SLC9A8: variants seen among roughly 807,000 people sequenced by gnomAD.
SLC9A8 encodes solute carrier family 9 member A8, also known as sodium/hydrogen exchanger 8.
In SLC9A8, 48 loss-of-function variants were observed where a neutral mutation model predicts 66.6. The ratio of observed to expected loss-of-function variants is 0.72; its 90% CI spans 0.57 to 0.92. The LOEUF (loss-of-function observed/expected upper bound fraction) is 0.92. Ranked by LOEUF, SLC9A8 falls within the 40% of genes least tolerant of loss-of-function variation. The pLI is 0.00. For missense variants in SLC9A8, 599 were observed against 747.3 expected (o/e 0.80, Z 2.31); for synonymous variants, 274 against 282.6 (o/e 0.97, Z 0.31).
At chr20:49,848,837 T>C (rs780148199) in intron 5 of SLC9A8, among the ~76,000 whole-genome samples, 4 of 152,168 alleles carry the variant, frequency 2.6e-5, no homozygotes, top group Non-Finnish European at 5.9e-5. Context: ...GAAACACAGT[T>C]AATTCCTTCA....
rs1447117758 is a variant in SLC9A8, at chr20:49,891,056, G to C, written c.*3120G>C. On this transcript the variant is annotated 3_prime_UTR_variant, in exon 16 of 16. Transcript: ENST00000361573. ...TGCTTGGAGAGTCCTCAGCAGGGTA[G>C]CCGAGGCCAGGCCACTTCTGCTGAG... The C allele has an allele frequency of 1.3e-5, 2 of 152,334 alleles. No homozygotes were observed. The highest frequency in any genetic ancestry group is 2.9e-5 in the Non-Finnish European group (2 of 68,116). 9.4% of individuals were successfully genotyped at this position (152,334 alleles called of 1,614,324 possible).
At chr20:49,846,630 A>G (rs2088005392) in intron 5 of SLC9A8, among the ~76,000 whole-genome samples, 1 of 152,064 alleles carries the variant, frequency 6.6e-6, no homozygotes, top group Non-Finnish European at 1.5e-5. Flanking sequence ...TAAGCTTAAT[A>G]TGGTCGGGCC....
chr20:49,838,581 GT>G (rs1249715246), intron 3 of SLC9A8, among the ~76,000 whole-genome samples: 1 of 152,212 alleles, frequency 6.6e-6, no homozygotes, highest in African/African-American at 2.4e-5. Flanking sequence ...CCCTGAGGTA[GT>G]TTTAGTGCAC....
chr20:49,854,866 G>A (rs2088404641), intron 7 of SLC9A8, among the ~76,000 whole-genome samples: 1 of 152,164 alleles, frequency 6.6e-6, no homozygotes, highest in African/African-American at 2.4e-5. Flanking sequence ...TCTGCTGGGG[G>A]TGATAAGATC....
intron 14 of SLC9A8, 135 bp downstream of exon 14, chr20:49,884,201 C>CGGTGGTCCCCACTGTCAGG: frequency 7.2e-6 from 1 of 139,348 alleles, no homozygotes; most frequent in South Asian, 5.5e-5. Flanking sequence ...ACACACACGA[C>CGGTGGTCCCCACTGTCAGG]ACACACACAC....
Position 49,812,901 on chromosome 20 carries a change from G to C in SLC9A8, c.-22G>C, listed in dbSNP as rs1408303948. The C allele has an allele frequency of 4.0e-6, 6 of 1,497,126 alleles. No individual in the cohort carries two copies. Among genetic ancestry groups the C allele is most frequent in the Non-Finnish European group, 5.3e-6 (6 of 1,124,698 alleles). 92.7% of individuals were successfully genotyped at this position (1,497,126 alleles called of 1,614,324 possible). A position where few individuals can be genotyped will look rare whatever the true frequency, so the allele number is the denominator to read the frequency against. On this transcript the variant is annotated 5_prime_UTR_variant, in exon 1 of 16. Transcript: ENST00000361573. ...TGCTAGCCCCGCGGCTCCGAACTCG[G>C]TGGTCCTGGAAGCTCCGCAGGATGG...
intron 3 of SLC9A8, among the ~76,000 whole-genome samples, chr20:49,831,771 A>G (rs1374557614): frequency 6.6e-6 from 1 of 152,130 alleles, no homozygotes; most frequent in Non-Finnish European, 1.5e-5. Flanking sequence ...CACTCCTTAG[A>G]CGCCTTTGTG....
Position 49,815,101 on chromosome 20 carries a change from G to A in SLC9A8, c.120G>A (p.Lys40=). 6.2e-7 allele frequency: 1 copy of A among 1,608,948 alleles called. No individual in the cohort carries two copies. Among genetic ancestry groups the A allele is most frequent in the African/African-American group, 1.3e-5 (1 of 74,814 alleles). The change falls in exon 2 of 16, where the codon AAG becomes AAA. Residue 40 remains lysine, a synonymous_variant. Transcript: ENST00000361573. Reference sequence around the variant, plus strand: ...AACTGGTGCTCCCGACCCCTGGCAAGCCCATCCTCCCCGTGCAGACAGGGG... The same window carrying A: ...AACTGGTGCTCCCGACCCCTGGCAAACCCATCCTCCCCGTGCAGACAGGGG... ...TTKLVLPTPG[K]PILPVQTGEQ...
chr20:49,891,985 C>A lies in SLC9A8; in HGVS notation c.*4049C>A, dbSNP rs1321842831. 4 of 152,084 alleles carry A rather than the reference C, an allele frequency of 2.6e-5. No individual in the cohort carries two copies. Among genetic ancestry groups the A allele is most frequent in the Non-Finnish European group, 5.9e-5 (4 of 68,024 alleles). 9.4% of individuals were successfully genotyped at this position (152,084 alleles called of 1,614,324 possible). On this transcript the variant is annotated 3_prime_UTR_variant, in exon 16 of 16. Coordinates refer to ENST00000361573, the MANE Select transcript of SLC9A8 (RefSeq NM_015266.3). ...TTTAAGAAGCATTATGAAGGCCAGA[C>A]TTACTCATTTTTCTCCCCCAAGTGA...
In SLC9A8 at chr20:49,823,126, G is replaced by C; in HGVS notation, c.274G>C (p.Ala92Pro). ...YRLHFLPESV[A>P]VVSLGILMGA... ...ATTACATTTCTTGCCAGAGAGTGTT[G>C]CTGTTGTTTCTTTAGGTAAGTGTGT... is the stretch of plus-strand genomic sequence containing the variant. Residue 92 changes from alanine to proline, a missense_variant, in exon 3 of 16, where the codon GCT (alanine) becomes CCT (proline). Physicochemically the swap from Ala to Pro is conservative, Grantham distance 27. Around this residue, in one of 2 missense-constraint regions of SLC9A8, gnomAD observed 132 missense variants for 120.9 expected, o/e 1.09. Coordinates refer to ENST00000361573, the MANE Select transcript of SLC9A8 (RefSeq NM_015266.3). 1 of 1,611,722 alleles carries C rather than the reference G, an allele frequency of 6.2e-7. No individual in the cohort carries two copies. Among genetic ancestry groups the C allele is most frequent in the South Asian group, 1.1e-5 (1 of 90,640 alleles).
Position 49,874,785 on chromosome 20 carries a change from A to G in SLC9A8, c.1039A>G (p.Met347Val). The G allele has an allele frequency of 1.2e-6, 2 of 1,612,850 alleles. No individual in the cohort carries two copies. Among genetic ancestry groups the G allele is most frequent in the Non-Finnish European group, 8.5e-7 (1 of 1,178,808 alleles). ...HNLSPVTQIL[M>V]QQTLRTVAFL... Reference sequence around the variant, plus strand: ...CCTCTCCCCAGTCACCCAGATCCTCATGCAGCAGACCCTCCGCACCGTGGC... The same window carrying G: ...CCTCTCCCCAGTCACCCAGATCCTCGTGCAGCAGACCCTCCGCACCGTGGC... The change falls in exon 11 of 16, where the codon ATG (methionine) becomes GTG (valine). Residue 347 changes from methionine to valine, a missense_variant. This residue lies in a region of SLC9A8 where 467 missense variants were observed against 626.5 expected (regional missense o/e 0.75). Coordinates refer to ENST00000361573, the MANE Select transcript of SLC9A8 (RefSeq NM_015266.3).
At chr20:49,868,955 C>T (rs183071960) in intron 10 of SLC9A8, among the ~76,000 whole-genome samples, 2 of 152,328 alleles carry the variant, frequency 1.3e-5, no homozygotes, top group East Asian at 1.9e-4. Flanking sequence ...ACTCAGCAAG[C>T]GTTAGCTATT....
intron 9 of SLC9A8, among the ~76,000 whole-genome samples, chr20:49,863,290 A>G (rs2037746948): frequency 6.6e-6 from 1 of 152,238 alleles, no homozygotes; most frequent in African/African-American, 2.4e-5. Flanking sequence ...AAAAACATGT[A>G]CACTGTTGGA....
Position 49,812,956 on chromosome 20 carries a change from G to A in SLC9A8, c.26+8G>A. 7.0e-7 allele frequency: 1 copy of A among 1,421,848 alleles called. No individual in the cohort carries two copies. Among genetic ancestry groups the A allele is most frequent in the Non-Finnish European group, 9.2e-7 (1 of 1,088,468 alleles). 88.1% of individuals were successfully genotyped at this position (1,421,848 alleles called of 1,614,324 possible). ...GAAGATGGCGGAAGAGGAGTGAGTGGGCTTTTTCCCGGGCGGCGGAGGCGG... is the reference window on the plus strand; with the variant it reads ...GAAGATGGCGGAAGAGGAGTGAGTGAGCTTTTTCCCGGGCGGCGGAGGCGG... On this transcript the variant is annotated splice_region_variant and intron_variant, in intron 1 of 15. Coordinates refer to ENST00000361573, the MANE Select transcript of SLC9A8 (RefSeq NM_015266.3).
intron 4 of SLC9A8, 66 bp from the exon 5 acceptor site, chr20:49,844,970 A>G (rs1032533215): frequency 8.6e-7 from 1 of 1,169,526 alleles, no homozygotes; most frequent in Admixed American, 1.7e-5. Context: ...TTGGCTCTTT[A>G]TTGATTAATT....
At chr20:49,843,904 G>A (rs572801861) in intron 4 of SLC9A8, among the ~76,000 whole-genome samples, 29 of 152,154 alleles carry the variant, frequency 1.9e-4, no homozygotes, top group African/African-American at 5.8e-4. Flanking sequence ...TTGTTGCTCT[G>A]TTCGTTCCCT....
chr20:49,835,128 T>C (rs1006223646), intron 3 of SLC9A8, among the ~76,000 whole-genome samples: 11 of 152,092 alleles, frequency 7.2e-5, no homozygotes, highest in African/African-American at 2.2e-4. Flanking sequence ...GAGTTAAAAA[T>C]GCTTATGCTT....
At chr20:49,838,382 C>T (rs1411727703) in intron 3 of SLC9A8, among the ~76,000 whole-genome samples, 1 of 152,058 alleles carries the variant, frequency 6.6e-6, no homozygotes, top group African/African-American at 2.4e-5. Context: ...CAAATCCATG[C>T]TCCATGCCCT....
At position 49,834,331 on chromosome 20, in the gene SLC9A8, GTGTATATATATATATAC is replaced by G. The variant is rs1568812689; in HGVS notation, c.290-5189_290-5173del. On this transcript the variant is annotated intron_variant, in intron 3 of 15. Transcript: ENST00000361573. The stretch of plus-strand genomic sequence containing the variant: ...TACAGTGTGTATATATATATATACT[GTGTATATATATATATAC>G]TGTATATATATATATACTGTGTATA... Among the ~76,000 whole-genome samples the G allele has an allele frequency of 1.1e-4, 9 of 83,520 alleles. 1 individual carries two copies. Among genetic ancestry groups the G allele is most frequent in the South Asian group, 3.3e-4 (1 of 3,008 alleles). The allele number at this position is 83,520 out of a possible 152,430, so 54.8% of individuals were successfully genotyped here. A position where few individuals can be genotyped will look rare whatever the true frequency, so the allele number is the denominator to read the frequency against.
Sources: allele counts gnomAD v4.1 joint callset (sites outside exome capture counted in the v4.1 genomes callset), GRCh38; gene constraint gnomAD v4.1.1; regional missense constraint gnomAD v4.1.1; transcripts MANE v1.5; gene names NCBI Gene and HGNC (gene_info 2026-07-23, HGNC 2026-07-21).